The following GRM5 variants were observed in gnomAD, a reference collection of about 807,000 sequenced individuals.
The protein encoded by GRM5 is glutamate metabotropic receptor 5.
GRM5 carries 19 observed loss-of-function variants against 83.1 expected under a neutral mutation model. That is an observed-to-expected ratio of 0.23 (90% CI 0.16 to 0.34). The LOEUF is 0.34. Among genes scored for constraint, GRM5 ranks in the 10% least tolerant of loss-of-function variants. The pLI, the probability that GRM5 is intolerant of heterozygous loss-of-function variation, is 1.00. For synonymous variants in GRM5, 675 were observed against 633.6 expected, an observed-to-expected ratio of 1.07 and a Z score of -0.98; for missense variants, 1,160 against 1,588.3, an observed-to-expected ratio of 0.73 and a Z score of 4.58.
At chr11:88,769,356 A>G (rs34729934) in intron 3 of GRM5, among the ~76,000 whole-genome samples, 41,415 of 148,164 alleles carry the variant, frequency 0.28, 6,823 homozygotes, top group Non-Finnish European at 0.38. Flanking sequence ...AGGTCATTAT[A>G]CACACATTTA....
chr11:88,834,430 A>G (rs1944055171), intron 3 of GRM5, among the ~76,000 whole-genome samples: 1 of 152,234 alleles, frequency 6.6e-6, no homozygotes, highest in African/African-American at 2.4e-5. Context: ...AAGCTATTAG[A>G]AAACAATAAA....
chr11:88,803,895 CA>C (rs1192966621), intron 3 of GRM5, among the ~76,000 whole-genome samples: 2 of 152,144 alleles, frequency 1.3e-5, no homozygotes, highest in Non-Finnish European at 2.9e-5. Context: ...AGATACTTCT[CA>C]AAAGAAGACA....
intron 4 of GRM5, among the ~76,000 whole-genome samples, chr11:88,605,251 C>G (rs1366551091): frequency 6.6e-6 from 1 of 152,060 alleles, no homozygotes; most frequent in Non-Finnish European, 1.5e-5. Context: ...CAGGATAGAA[C>G]TGTATTTCTG....
At chr11:88,639,469 T>G (rs2135283876) in intron 4 of GRM5, among the ~76,000 whole-genome samples, 1 of 152,260 alleles carries the variant, frequency 6.6e-6, no homozygotes, top group African/African-American at 2.4e-5. Flanking sequence ...TTTTGTCTGG[T>G]TTTGCTGCTG....
intron 3 of GRM5, among the ~76,000 whole-genome samples, chr11:88,726,754 T>G (rs367940792): frequency 5.4e-5 from 8 of 148,586 alleles, no homozygotes; most frequent in African/African-American, 2.0e-4. Context: ...TTAAAGAAAA[T>G]AATTGTCAAC....
At chr11:89,009,076 C>G (rs778579111) in intron 2 of GRM5, 2 of 744,344 alleles carry the variant, frequency 2.7e-6, no homozygotes, top group Non-Finnish European at 5.0e-6. Context: ...TCTTACGCAT[C>G]TCTTCCTTCT....
At chr11:89,007,683 A>G (rs1940569647) in intron 2 of GRM5, among the ~76,000 whole-genome samples, 2 of 152,236 alleles carry the variant, frequency 1.3e-5, no homozygotes, top group South Asian at 4.1e-4. Context: ...GCAGAAGGGC[A>G]TGATGAATAG....
intron 2 of GRM5, among the ~76,000 whole-genome samples, chr11:88,954,073 C>T (rs534454691): frequency 6.1e-4 from 93 of 152,262 alleles, no homozygotes; most frequent in African/African-American, 2.2e-3. Flanking sequence ...TGCTGTTCTC[C>T]TTTCATTAAA....
intron 3 of GRM5, among the ~76,000 whole-genome samples, chr11:88,699,307 C>G (rs1246859837): frequency 6.6e-6 from 1 of 152,102 alleles, no homozygotes; most frequent in Non-Finnish European, 1.5e-5. Flanking sequence ...ATGAAAAACT[C>G]ATCGTGGAAT....
intron 4 of GRM5, among the ~76,000 whole-genome samples, chr11:88,607,093 T>G (rs1251507183): frequency 6.6e-6 from 1 of 152,036 alleles, no homozygotes; most frequent in Non-Finnish European, 1.5e-5. Flanking sequence ...GTAGAGAGTC[T>G]CCCTAGAGAA....
At chr11:89,031,111 TTA>T (rs1196497020) in intron 2 of GRM5, among the ~76,000 whole-genome samples, 1 of 151,988 alleles carries the variant, frequency 6.6e-6, no homozygotes, top group Non-Finnish European at 1.5e-5. Context: ...AACTTCAAAA[TTA>T]TATTTTGTAG....
intron 2 of GRM5, among the ~76,000 whole-genome samples, chr11:88,884,689 G>A (rs1263509131): frequency 6.6e-6 from 1 of 152,178 alleles, no homozygotes; most frequent in East Asian, 1.9e-4. Flanking sequence ...GGAGGTAACT[G>A]AATGATGAGG....
intron 3 of GRM5, among the ~76,000 whole-genome samples, 167 bp from the exon 4 acceptor site, chr11:88,653,570 A>G (rs1406509804): frequency 1.3e-5 from 2 of 152,074 alleles, no homozygotes; most frequent in Non-Finnish European, 2.9e-5. Flanking sequence ...GTTAGAATAA[A>G]AAGTGCAATA....
intron 2 of GRM5, among the ~76,000 whole-genome samples, chr11:88,856,000 T>C (rs1944468236): frequency 6.6e-6 from 1 of 151,970 alleles, no homozygotes; most frequent in Non-Finnish European, 1.5e-5. Flanking sequence ...AAATACTTTT[T>C]CAGAAAGTAT....
At chr11:88,924,808 T>C (rs531962303) in intron 2 of GRM5, among the ~76,000 whole-genome samples, 10 of 152,058 alleles carry the variant, frequency 6.6e-5, no homozygotes, top group African/African-American at 2.2e-4. Context: ...GCTAAGAAAG[T>C]AGATTTTAGG....
At chr11:88,658,903 T>C (rs1333506884) in intron 3 of GRM5, among the ~76,000 whole-genome samples, 1 of 152,074 alleles carries the variant, frequency 6.6e-6, no homozygotes, top group African/African-American at 2.4e-5. Context: ...GTCATACAGG[T>C]AGTGGGGAAC....
rs1447289709 is a variant in GRM5 at position 88,687,538 on chromosome 11, A to AT, written c.912-34136_912-34135insA. Among the ~76,000 whole-genome samples the AT allele has an allele frequency of 2.6e-3, 115 of 43,830 alleles. 7 individuals are homozygous for AT. Among genetic ancestry groups the AT allele is most frequent in the Admixed American group, 0.017 (40 of 2,340 alleles). The allele number at this position is 43,830 out of a possible 152,430, so 28.8% of individuals were successfully genotyped here. A position where few individuals can be genotyped will look rare whatever the true frequency, so the allele number is the denominator to read the frequency against. ...CACACACACACACATACATATATAT[A>AT]CACACACACACACACATATATATTA... On this transcript the variant is annotated intron_variant, in intron 3 of 9. Transcript: ENST00000305447.
At chr11:88,610,784 C>T (rs1461281286) in intron 4 of GRM5, among the ~76,000 whole-genome samples, 1 of 152,158 alleles carries the variant, frequency 6.6e-6, no homozygotes, top group Non-Finnish European at 1.5e-5. Context: ...AGTGGATATT[C>T]TTGTCTTGTT....
intron 3 of GRM5, among the ~76,000 whole-genome samples, chr11:88,734,125 T>C (rs1941861663): frequency 6.6e-6 from 1 of 152,018 alleles, no homozygotes; most frequent in Admixed American, 6.6e-5. Context: ...GTTTTTCACT[T>C]AGAGGTGGAA....
Sources: gnomAD v4.1 joint callset for allele counts (sites outside exome capture counted in the v4.1 genomes callset) on GRCh38, gnomAD v4.1.1 for gene constraint, MANE v1.5 for transcripts, NCBI Gene and HGNC (gene_info 2026-07-23, HGNC 2026-07-21) for gene names.